RGPD4: variants seen among roughly 807,000 people sequenced by gnomAD.
RGPD4 encodes RANBP2 like and GRIP domain containing 4.
Under a neutral mutation model 141.1 loss-of-function variants are expected in RGPD4, and 84 were observed. That is an observed-to-expected ratio of 0.60 (90% CI 0.50 to 0.71). The LOEUF (loss-of-function observed/expected upper bound fraction) is 0.71, where lower values mean the gene tolerates loss of function less well. Among genes scored for constraint, RGPD4 ranks in the 30% least tolerant of loss-of-function variants. The pLI, the probability that RGPD4 is intolerant of heterozygous loss-of-function variation, is 0.00. For synonymous variants in RGPD4, 298 were observed against 566.8 expected, an observed-to-expected ratio of 0.53 and a Z score of 6.74; for missense variants, 918 against 1,622.4, an observed-to-expected ratio of 0.57 and a Z score of 7.46.
At chr2:107,888,681 G>A (rs1675573867) in intron 22 of RGPD4, among the ~76,000 whole-genome samples, 1 of 128,952 alleles carries the variant, frequency 7.8e-6, no homozygotes, top group South Asian at 2.9e-4. Context: ...AAGAGATTGT[G>A]GCTTCTATCT....
At chr2:107,873,055 T>G in intron 20 of RGPD4, 127 bp downstream of exon 20, 2 of 721,504 alleles carry the variant, frequency 2.8e-6, no homozygotes, top group South Asian at 3.9e-5. Context: ...CCAAAATATT[T>G]GAGCAATTTT....
At chr2:107,857,845 A>T (rs967401973) in intron 9 of RGPD4, among the ~76,000 whole-genome samples, 2 of 151,662 alleles carry the variant, frequency 1.3e-5, no homozygotes, top group African/African-American at 4.9e-5. Flanking sequence ...TACAAAAATT[A>T]TCCGGGGGTG....
chr2:107,871,077 G>T lies in RGPD4; in HGVS notation c.3073G>T (p.Asp1025Tyr), dbSNP rs1682891894. The T allele has an allele frequency of 6.2e-7, 1 of 1,610,956 alleles. No homozygotes were observed. The change falls in exon 20 of 23, where the codon GAT becomes TAT. Residue 1025 changes from aspartate (D) to tyrosine (Y), a missense_variant. Transcript: ENST00000408999. ...CACTTCCGGTGACTTTGAGAAAGATGATGATGCCTATAAGACTGAGGACAG... is the reference window on the plus strand; with the variant it reads ...CACTTCCGGTGACTTTGAGAAAGATTATGATGCCTATAAGACTGAGGACAG... ...ANTSGDFEKD[D>Y]DAYKTEDSDD...
intron 12 of RGPD4, among the ~76,000 whole-genome samples, chr2:107,860,548 CAGG>C (rs1371850294): frequency 6.9e-6 from 1 of 145,544 alleles, no homozygotes; most frequent in Non-Finnish European, 1.5e-5. Context: ...GAAGCTGAGG[CAGG>C]AGAATTGCTT....
chr2:107,845,627 G>A (rs1681899948), intron 6 of RGPD4, among the ~76,000 whole-genome samples: 1 of 152,282 alleles, frequency 6.6e-6, no homozygotes, highest in Admixed American at 6.5e-5. Context: ...GGACTCATGG[G>A]CCCTTTGTTA....
intron 22 of RGPD4, among the ~76,000 whole-genome samples, chr2:107,886,298 T>TG (rs1553450574): frequency 2.5e-5 from 2 of 80,218 alleles, no homozygotes; most frequent in African/African-American, 1.1e-4. Context: ...CAAGCAGTAT[T>TG]AAAAAAAAAA....
chr2:107,874,500 A>AT (rs4012369), intron 20 of RGPD4, among the ~76,000 whole-genome samples: 20 of 112,864 alleles, frequency 1.8e-4, no homozygotes, highest in Admixed American at 2.6e-4. Context: ...ACAATCTCTG[A>AT]TTTTTTTTTT....
intron 6 of RGPD4, among the ~76,000 whole-genome samples, chr2:107,845,774 C>T (rs1681908877): frequency 1.3e-5 from 2 of 152,052 alleles, no homozygotes; most frequent in Admixed American, 1.3e-4. Context: ...CCTTGTTAGC[C>T]AGGATGGTCT....
chr2:107,830,549 T>TC (rs1180760407), intron 1 of RGPD4, among the ~76,000 whole-genome samples: 5 of 152,122 alleles, frequency 3.3e-5, no homozygotes, highest in South Asian at 2.1e-4. Flanking sequence ...GTCTTTTTTT[T>TC]CCCCCAAATT....
intron 21 of RGPD4, among the ~76,000 whole-genome samples, chr2:107,882,031 T>G (rs1417323743): frequency 2.6e-5 from 4 of 151,954 alleles, no homozygotes; most frequent in Admixed American, 6.6e-5. Flanking sequence ...GCTTAGTTTC[T>G]ATCGAAAGTA....
At chr2:107,832,385 T>C (rs1292956879) in intron 1 of RGPD4, among the ~76,000 whole-genome samples, 1 of 151,666 alleles carries the variant, frequency 6.6e-6, no homozygotes, top group Admixed American at 6.6e-5. Context: ...ATTTACTTTC[T>C]TTGTTTTGGT....
intron 9 of RGPD4, among the ~76,000 whole-genome samples, chr2:107,858,131 T>C (rs1336442114): frequency 6.6e-6 from 1 of 152,024 alleles, no homozygotes. Context: ...ATATCACTTT[T>C]ATTGGCAATA....
At position 107,876,482 on chromosome 2, in the gene RGPD4, C is replaced by A. The variant is rs557770749; in HGVS notation, c.4925-3486C>A. Among the ~76,000 whole-genome samples the A allele has an allele frequency of 1.2e-4, 18 of 151,590 alleles. No individual in the cohort carries two copies. In the South Asian group the frequency reaches 3.7e-3, roughly 32 times the overall value. On this transcript the variant is annotated intron_variant, in intron 20 of 22. Coordinates refer to ENST00000408999, the MANE Select transcript of RGPD4 (RefSeq NM_182588.3). ...TCTACTTTTTAAATAGAAACATTAG[C>A]TAGAGCAAGGAACTTAGAAACACTC...
Position 107,872,867 on chromosome 2 carries a change from C to T in RGPD4, c.4863C>T (p.Leu1621=), listed in dbSNP as rs763138101. 3 of 1,595,890 alleles carry T rather than the reference C, an allele frequency of 1.9e-6. No homozygotes were observed. Among genetic ancestry groups the T allele is most frequent in the Non-Finnish European group, 2.6e-6 (3 of 1,174,648 alleles). ...CTTCAGATAGCAAAGTCAAAAATCT[C>T]TCTGCTTCCTTTCCAATGGAAGAAT... ...EQSSDSKVKN[L]SASFPMEESS... is the part of the protein sequence containing the mutation. The change falls in exon 20 of 23, where the codon CTC becomes CTT. Residue 1621 remains leucine, a synonymous_variant. Transcript: ENST00000408999.
rs552602619 is a variant in RGPD4, at chr2:107,835,561, T to C, written c.73-1041T>C. Among the ~76,000 whole-genome samples, 16 of 152,000 alleles carry C rather than the reference T, an allele frequency of 1.1e-4. 1 individual carries two copies. The East Asian group carries it at 1.9e-3, about 19-fold the overall frequency. On this transcript the variant is annotated intron_variant, in intron 1 of 22. Transcript: ENST00000408999. Reference sequence around the variant, plus strand: ...GCACAGGGAATCCTCAGTGCCTTAATAGATCCTAAGTACTTAGTTATTCTT... The same window carrying C: ...GCACAGGGAATCCTCAGTGCCTTAACAGATCCTAAGTACTTAGTTATTCTT...
At chr2:107,862,097 A>T (rs1431475953) in intron 15 of RGPD4, among the ~76,000 whole-genome samples, 3 of 110,394 alleles carry the variant, frequency 2.7e-5, no homozygotes, top group East Asian at 2.3e-4. Flanking sequence ...GTTGCTGACA[A>T]CTTAAGAGCA....
Position 107,888,699 on chromosome 2 carries a change from G to A in RGPD4, c.5267-2022G>A, listed in dbSNP as rs1019462206. Among the ~76,000 whole-genome samples, 524 of 92,074 alleles carry A rather than the reference G, an allele frequency of 5.7e-3. 24 individuals are homozygous for A. Among genetic ancestry groups the A allele is most frequent in the African/African-American group, 0.018 (339 of 18,532 alleles). 60.4% of individuals were successfully genotyped at this position (92,074 alleles called of 152,430 possible). A position where few individuals can be genotyped will look rare whatever the true frequency, so the allele number is the denominator to read the frequency against. On this transcript the variant is annotated intron_variant, in intron 22 of 22. Transcript: ENST00000408999. ...AGATTGTGGCTTCTATCTTGCTAGTGGACTCTCTCTGTCTTCTCTGCTTGC... is the reference window on the plus strand; with the variant it reads ...AGATTGTGGCTTCTATCTTGCTAGTAGACTCTCTCTGTCTTCTCTGCTTGC...
chr2:107,877,099 T>C (rs3868857), intron 20 of RGPD4, among the ~76,000 whole-genome samples: 5 of 151,582 alleles, frequency 3.3e-5, no homozygotes, highest in South Asian at 2.1e-4. Flanking sequence ...TTAGACCAGG[T>C]GTGGTGTCTC....
chr2:107,882,607 T>C, intron 21 of RGPD4, 65 bp from the exon 22 acceptor site: 1 of 1,415,378 alleles, frequency 7.1e-7, no homozygotes, highest in Non-Finnish European at 9.9e-7. Context: ...AATACATGAG[T>C]TCAGTCTGCC....
Sources: gnomAD v4.1 joint callset for allele counts (sites outside exome capture counted in the v4.1 genomes callset) on GRCh38, gnomAD v4.1.1 for gene constraint, MANE v1.5 for transcripts, NCBI Gene and HGNC (gene_info 2026-07-23, HGNC 2026-07-21) for gene names.